Variants in AFF1 observed in about 807,000 individuals in gnomAD.
AFF1 encodes the protein ALF transcription elongation factor 1.
Under a neutral mutation model 121.7 loss-of-function variants are expected in AFF1, and 48 were observed. The observed-to-expected ratio is 0.39, with a 90% CI of 0.31 to 0.50. The LOEUF (loss-of-function observed/expected upper bound fraction) is 0.50, where lower values mean the gene tolerates loss of function less well. Among genes scored for constraint, AFF1 ranks in the 20% least tolerant of loss-of-function variants. The probability of loss-of-function intolerance (pLI) is 0.76; values close to 1 mark genes in which losing one functional copy is unlikely to be tolerated. For synonymous variants in AFF1, 613 were observed against 563.0 expected (o/e 1.09, Z -1.26); for missense variants, 1,523 against 1,511.7 (o/e 1.01, Z -0.12).
rs1010110207 is a variant in AFF1 at position 87,137,833 on chromosome 4, A to G, written c.*2132A>G. On this transcript the variant is annotated 3_prime_UTR_variant, in exon 21 of 21. Transcript: ENST00000395146. ...TAGCCATCCCCTCCCCTTTTGTCCTATCATTCCCTAGAACAAGCCACCTGT... is the reference window on the plus strand; with the variant it reads ...TAGCCATCCCCTCCCCTTTTGTCCTGTCATTCCCTAGAACAAGCCACCTGT... The G allele has an allele frequency of 6.5e-5, 15 of 231,386 alleles. No individual in the cohort carries two copies. In the South Asian group the frequency reaches 1.3e-3, roughly 20 times the overall value. 14.3% of individuals were successfully genotyped at this position (231,386 alleles called of 1,614,324 possible). A position where few individuals can be genotyped will look rare whatever the true frequency, so the allele number is the denominator to read the frequency against.
intron 4 of AFF1, among the ~76,000 whole-genome samples, chr4:87,071,271 A>G (rs540148715): frequency 2.0e-5 from 3 of 151,778 alleles, no homozygotes; most frequent in South Asian, 4.2e-4. Context: ...ATTATTTATT[A>G]AGGAAACAAC....
chr4:87,036,928 C>A, intron 2 of AFF1: 2 of 373,648 alleles, frequency 5.4e-6, no homozygotes, highest in East Asian at 1.6e-4. Flanking sequence ...GCCTCTCAGG[C>A]TCAAGTGATC....
rs1204148736 is a variant in AFF1 at position 87,140,290 on chromosome 4, A to G, written c.*4589A>G. 1 of 193,520 alleles carries G rather than the reference A, an allele frequency of 5.2e-6. No homozygotes were observed. The highest frequency in any genetic ancestry group is 1.1e-5 in the Non-Finnish European group (1 of 92,446). 12.0% of individuals were successfully genotyped at this position (193,520 alleles called of 1,614,324 possible). On this transcript the variant is annotated 3_prime_UTR_variant, in exon 21 of 21. Coordinates refer to ENST00000395146, the MANE Select transcript of AFF1 (RefSeq NM_001166693.3). Reference sequence around the variant, plus strand: ...GTTCAGGCCATCGACATGTATTGTTAAAATTACTGCATATCCCCCTCAGAT... The same window carrying G: ...GTTCAGGCCATCGACATGTATTGTTGAAATTACTGCATATCCCCCTCAGAT...
At chr4:87,084,875 TG>T (rs2149704963) in intron 5 of AFF1, among the ~76,000 whole-genome samples, 1 of 152,334 alleles carries the variant, frequency 6.6e-6, no homozygotes, top group East Asian at 1.9e-4. Flanking sequence ...TATTGATGTG[TG>T]GGAGGCACCA....
intron 2 of AFF1, among the ~76,000 whole-genome samples, chr4:87,044,765 T>C (rs1730502961): frequency 6.6e-6 from 1 of 152,098 alleles, no homozygotes; most frequent in South Asian, 2.1e-4. Context: ...CTGGTGGAAA[T>C]TAGAGCAAGA....
In AFF1 at chr4:87,139,135, A is replaced by G. The variant is rs563413642; in HGVS notation, c.*3434A>G. ...CTCTGATATACAAAGGGATATAAAT[A>G]TATACACTTAAATAGAGAAAAAGAG... On this transcript the variant is annotated 3_prime_UTR_variant, in exon 21 of 21. Transcript: ENST00000395146. The G allele has an allele frequency of 1.3e-4, 30 of 229,758 alleles. No homozygotes were observed. The highest frequency in any genetic ancestry group is 6.2e-4 in the African/African-American group (28 of 45,320). 14.2% of individuals were successfully genotyped at this position (229,758 alleles called of 1,614,324 possible). A position where few individuals can be genotyped will look rare whatever the true frequency, so the allele number is the denominator to read the frequency against.
In AFF1 at chr4:87,115,259, G is replaced by C. The variant is rs1726987417; in HGVS notation, c.2426G>C (p.Arg809Thr). ...PAGKKHSSEK[R>T]SSDSSSKLAK... is the part of the protein sequence containing the mutation. ...GGGAAGAAGCACAGCTCTGAGAAGA[G>C]GAGCTCAGACAGCTCAAGCAAGTTG... The change falls in exon 12 of 21, where the codon AGG becomes ACG. Residue 809 changes from arginine to threonine, a missense_variant. Arg to Thr is a moderately conservative substitution (Grantham distance 71). This residue lies in a region of AFF1 where 905 missense variants were observed against 842.5 expected (regional missense o/e 1.07). Transcript: ENST00000395146. The C allele has an allele frequency of 6.2e-7, 1 of 1,612,844 alleles. No individual in the cohort carries two copies. Among genetic ancestry groups the C allele is most frequent in the South Asian group, 1.1e-5 (1 of 90,966 alleles).
intron 11 of AFF1, 76 bp downstream of exon 11, chr4:87,108,391 G>A: frequency 6.7e-7 from 1 of 1,492,832 alleles, no homozygotes; most frequent in East Asian, 2.4e-5. Context: ...AGTGCTGTGG[G>A]CCAGGACTGA....
chr4:87,088,736 A>C (rs187731835), intron 5 of AFF1, among the ~76,000 whole-genome samples: 1 of 152,050 alleles, frequency 6.6e-6, no homozygotes, highest in African/African-American at 2.4e-5. Flanking sequence ...CTGGGATTAC[A>C]GGCATGTACC....
At chr4:87,060,838 A>C (rs1720686062) in intron 4 of AFF1, among the ~76,000 whole-genome samples, 14 of 41,014 alleles carry the variant, frequency 3.4e-4, no homozygotes, top group African/African-American at 2.6e-3. Flanking sequence ...TCTGTCTCAA[A>C]AAAAAAAAAA....
At chr4:87,024,230 C>T (rs1396551534) in intron 2 of AFF1, among the ~76,000 whole-genome samples, 1 of 152,046 alleles carries the variant, frequency 6.6e-6, no homozygotes, top group African/African-American at 2.4e-5. Flanking sequence ...TCCATGTGGC[C>T]AGTGACCCAT....
At chr4:87,055,058 G>A (rs1309688830) in intron 4 of AFF1, among the ~76,000 whole-genome samples, 3 of 152,106 alleles carry the variant, frequency 2.0e-5, no homozygotes, top group African/African-American at 7.2e-5. Context: ...GCTCACTTCA[G>A]CCTTGAACTC....
At chr4:86,940,395 C>G (rs1720365276) in intron 1 of AFF1, among the ~76,000 whole-genome samples, 2 of 152,152 alleles carry the variant, frequency 1.3e-5, no homozygotes, top group Admixed American at 1.3e-4. Flanking sequence ...GTTGTATTAA[C>G]AGGAAGGGAA....
At chr4:87,063,970 ACT>A (rs1398679690) in intron 4 of AFF1, among the ~76,000 whole-genome samples, 2 of 152,090 alleles carry the variant, frequency 1.3e-5, no homozygotes, top group East Asian at 1.9e-4. Context: ...AAGTAATGAA[ACT>A]CTGTGTCATG....
chr4:87,041,221 G>T (rs1730112636), intron 2 of AFF1, among the ~76,000 whole-genome samples: 1 of 152,140 alleles, frequency 6.6e-6, no homozygotes, highest in South Asian at 2.1e-4. Context: ...GGAAAATGGG[G>T]TTAATAATCC....
chr4:86,998,144 A>G (rs1196679081), intron 2 of AFF1, among the ~76,000 whole-genome samples: 4 of 148,832 alleles, frequency 2.7e-5, no homozygotes, highest in Non-Finnish European at 5.9e-5. Flanking sequence ...AACTGCGTGG[A>G]CAGCTTTAGT....
chr4:87,097,421 T>G (rs1724985189), intron 8 of AFF1, among the ~76,000 whole-genome samples: 1 of 152,192 alleles, frequency 6.6e-6, no homozygotes, highest in Non-Finnish European at 1.5e-5. Context: ...GACAGACCAT[T>G]CCTGTGATGA....
chr4:87,062,634 A>C (rs1016510719), intron 4 of AFF1, among the ~76,000 whole-genome samples: 29 of 152,182 alleles, frequency 1.9e-4, no homozygotes, highest in African/African-American at 6.8e-4. Context: ...ATTTTAAATT[A>C]CTTATTTTTA....
At position 87,072,362 on chromosome 4, in the gene AFF1, CAAA is replaced by C. The variant is rs533054826; in HGVS notation, c.1060-11740_1060-11738del. Among the ~76,000 whole-genome samples the C allele has an allele frequency of 2.8e-3, 301 of 109,082 alleles. 4 individuals carry two copies. The highest frequency in any genetic ancestry group is 8.5e-3 in the African/African-American group (248 of 29,064). 71.6% of individuals were successfully genotyped at this position (109,082 alleles called of 152,430 possible). Reference sequence around the variant, plus strand: ...TGGGCAACAGAGCGAGACTCCGTCTCAAAAAAAAAAAAAAAAAAAATTTAAATT... The same window carrying C: ...TGGGCAACAGAGCGAGACTCCGTCTCAAAAAAAAAAAAAAAAATTTAAATT... On this transcript the variant is annotated intron_variant, in intron 4 of 20. Transcript: ENST00000395146.
Sources: gnomAD v4.1 joint callset for allele counts (sites outside exome capture counted in the v4.1 genomes callset) on GRCh38, gnomAD v4.1.1 for gene constraint, gnomAD v4.1.1 regional missense constraint, MANE v1.5 for transcripts, NCBI Gene and HGNC (gene_info 2026-07-23, HGNC 2026-07-21) for gene names.